Variants in DISC1 observed in about 807,000 individuals in gnomAD.
The protein encoded by DISC1 is disrupted in schizophrenia 1 protein.
A neutral mutation model predicts 84.5 loss-of-function variants in DISC1; 57 were observed. That is an observed-to-expected ratio of 0.67 (90% CI 0.55 to 0.84). DISC1 has a LOEUF of 0.84. DISC1 is among the 40% of genes least tolerant of loss of function. The probability of loss-of-function intolerance (pLI) is 0.00; values close to 1 mark genes in which losing one functional copy is unlikely to be tolerated. For missense variants in DISC1, 1,000 were observed against 1,057.8 expected (o/e 0.95, Z 0.76); for synonymous variants, 411 against 415.2 (o/e 0.99, Z 0.12).
At chr1:232,029,503 G>A (rs1669796386) in intron 12 of DISC1, among the ~76,000 whole-genome samples, 1 of 152,176 alleles carries the variant, frequency 6.6e-6, no homozygotes, top group African/African-American at 2.4e-5. Flanking sequence ...GTATTTCCAT[G>A]TTTGATCAAA....
At chr1:232,005,775 T>C (rs1011315421) in intron 10 of DISC1, among the ~76,000 whole-genome samples, 2 of 152,174 alleles carry the variant, frequency 1.3e-5, no homozygotes, top group Non-Finnish European at 2.9e-5. Flanking sequence ...AAAATCAAAT[T>C]AAAAGTATCT....
chr1:232,013,321 G>A (rs1433363208), intron 11 of DISC1, among the ~76,000 whole-genome samples: 3 of 152,152 alleles, frequency 2.0e-5, no homozygotes, highest in Non-Finnish European at 4.4e-5. Flanking sequence ...GTCATTGCGT[G>A]CAGTATGTGA....
chr1:231,641,161 T>G (rs1179476969), intron 1 of DISC1, among the ~76,000 whole-genome samples: 1 of 152,218 alleles, frequency 6.6e-6, no homozygotes, highest in African/African-American at 2.4e-5. Context: ...TAGGATGCTA[T>G]CTTGGGCTCT....
At position 231,891,812 on chromosome 1, in the gene DISC1, C is replaced by T. The variant is rs2087250490; in HGVS notation, c.1982-67016C>T. The stretch of plus-strand genomic sequence containing the variant: ...ACTATTTCTTCCTGGTAGAAAGCAC[C>T]ACAGATCCATATGGACTTGGATGGA... On this transcript the variant is annotated intron_variant, in intron 9 of 12. Coordinates refer to ENST00000439617, the MANE Select transcript of DISC1 (RefSeq NM_018662.3). 2.0e-5 allele frequency among the ~76,000 whole-genome samples: 3 copies of T among 152,122 alleles called. No homozygotes were observed. The South Asian group carries it at 6.2e-4, about 32-fold the overall frequency.
intron 3 of DISC1, among the ~76,000 whole-genome samples, chr1:231,748,587 T>A (rs905936394): frequency 1.3e-5 from 2 of 152,234 alleles, no homozygotes; most frequent in African/African-American, 4.8e-5. Flanking sequence ...CTGGGATAAA[T>A]CCCACTTGAT....
intron 10 of DISC1, among the ~76,000 whole-genome samples, chr1:231,964,437 G>A (rs969416226): frequency 1.3e-5 from 2 of 152,180 alleles, no homozygotes; most frequent in African/African-American, 4.8e-5. Context: ...CCTTCCTGTA[G>A]CCTGGAGGGC....
intron 10 of DISC1, among the ~76,000 whole-genome samples, chr1:231,984,343 G>C (rs183934439): frequency 1.3e-5 from 2 of 152,238 alleles, no homozygotes; most frequent in Admixed American, 1.3e-4. Flanking sequence ...GAGGTAATTA[G>C]AAAATAATAT....
At chr1:231,689,110 T>C (rs990748183) in intron 1 of DISC1, among the ~76,000 whole-genome samples, 13 of 152,220 alleles carry the variant, frequency 8.5e-5, no homozygotes, top group African/African-American at 2.4e-4. Context: ...ACCCCAACCA[T>C]GACAGATGGG....
chr1:232,030,644 C>T (rs544632561), intron 12 of DISC1, among the ~76,000 whole-genome samples: 7 of 152,162 alleles, frequency 4.6e-5, no homozygotes, highest in Non-Finnish European at 8.8e-5. Context: ...ACCACAGCTC[C>T]GTAGGACCCT....
chr1:231,859,888 G>A (rs921984413), intron 9 of DISC1, among the ~76,000 whole-genome samples: 1 of 152,086 alleles, frequency 6.6e-6, no homozygotes, highest in Admixed American at 6.6e-5. Flanking sequence ...GCTTTTCGTT[G>A]GGGCTCCTCT....
At chr1:231,680,177 G>T (rs769266443) in intron 1 of DISC1, among the ~76,000 whole-genome samples, 2 of 152,114 alleles carry the variant, frequency 1.3e-5, no homozygotes, top group Admixed American at 1.3e-4. Context: ...GTAGTGAGCC[G>T]AGATCGTGCC....
chr1:231,881,051 G>A (rs2086256676), intron 9 of DISC1, among the ~76,000 whole-genome samples: 1 of 151,964 alleles, frequency 6.6e-6, no homozygotes, highest in Admixed American at 6.6e-5. Context: ...CTGCAAGCTG[G>A]GTTTATTTTC....
At chr1:231,936,680 G>C (rs745872157) in intron 9 of DISC1, among the ~76,000 whole-genome samples, 18 of 152,172 alleles carry the variant, frequency 1.2e-4, no homozygotes, top group Non-Finnish European at 2.4e-4. Flanking sequence ...GACAGCTTAT[G>C]ATGGTGGCTG....
At chr1:231,790,094 C>T (rs1260056127) in intron 6 of DISC1, among the ~76,000 whole-genome samples, 2 of 152,110 alleles carry the variant, frequency 1.3e-5, no homozygotes, top group Non-Finnish European at 2.9e-5. Flanking sequence ...TGTAGCAGCC[C>T]ACAGTCTCCC....
At chr1:231,801,385 C>T (rs1463828577) in intron 8 of DISC1, among the ~76,000 whole-genome samples, 2 of 152,150 alleles carry the variant, frequency 1.3e-5, no homozygotes, top group Non-Finnish European at 2.9e-5. Flanking sequence ...CTGTGTTAAG[C>T]CCAAGGGAAG....
chr1:231,972,249 G>T (rs934458996), intron 10 of DISC1, among the ~76,000 whole-genome samples: 1 of 152,180 alleles, frequency 6.6e-6, no homozygotes, highest in Non-Finnish European at 1.5e-5. Flanking sequence ...GGGTTGCTTT[G>T]GCATAAGTGT....
At chr1:231,978,790 A>C (rs1392725227) in intron 10 of DISC1, among the ~76,000 whole-genome samples, 1 of 152,214 alleles carries the variant, frequency 6.6e-6, no homozygotes, top group Non-Finnish European at 1.5e-5. Flanking sequence ...CCCAAATATC[A>C]AATCAGTGTT....
intron 6 of DISC1, among the ~76,000 whole-genome samples, chr1:231,792,142 G>A (rs966909442): frequency 2.6e-5 from 4 of 152,104 alleles, no homozygotes; most frequent in Non-Finnish European, 4.4e-5. Context: ...TGAGCAAAAC[G>A]TAATTGGGAA....
chr1:231,975,416 A>C (rs1662653121), intron 10 of DISC1, among the ~76,000 whole-genome samples: 1 of 152,164 alleles, frequency 6.6e-6, no homozygotes. Flanking sequence ...CAGTATGGGG[A>C]TTTCTCAAAG....
Sources: allele counts gnomAD v4.1 joint callset (sites outside exome capture counted in the v4.1 genomes callset), GRCh38; gene constraint gnomAD v4.1.1; transcripts MANE v1.5; gene names NCBI Gene and HGNC (gene_info 2026-07-23, HGNC 2026-07-21).